The following KCNIP4 variants were observed in gnomAD, a reference collection of about 807,000 sequenced individuals.
KCNIP4 encodes potassium voltage-gated channel interacting protein 4.
A neutral mutation model predicts 34.0 loss-of-function variants in KCNIP4; 12 were observed. That is an observed-to-expected ratio of 0.35 (90% CI 0.23 to 0.57). The LOEUF is 0.57. Among genes scored for constraint, KCNIP4 ranks in the 20% least tolerant of loss-of-function variants. The pLI is 0.83. For missense variants in KCNIP4, 238 were observed against 311.7 expected, an observed-to-expected ratio of 0.76 and a Z score of 1.78; for synonymous variants, 124 against 102.2, an observed-to-expected ratio of 1.21 and a Z score of -1.29.
chr4:21,871,984 C>T (rs376920051), intron 1 of KCNIP4, among the ~76,000 whole-genome samples: 140 of 152,018 alleles, frequency 9.2e-4, no homozygotes, highest in African/African-American at 3.3e-3. Context: ...GTCTGCCTTA[C>T]CGTTTTAACA....
rs538133858 is a variant in KCNIP4, at chr4:21,268,862, C to G, written c.62-386153G>C. Reference sequence around the variant, plus strand: ...GGCAAAACTATGGCTAAAGCCAAGACGTAAAGAATGAGGATGTTTGACCTA... The same window carrying G: ...GGCAAAACTATGGCTAAAGCCAAGAGGTAAAGAATGAGGATGTTTGACCTA... On this transcript the variant is annotated intron_variant, in intron 1 of 8. Coordinates refer to ENST00000382152, the MANE Select transcript of KCNIP4 (RefSeq NM_025221.6). 9.2e-5 allele frequency among the ~76,000 whole-genome samples: 14 copies of G among 152,290 alleles called. 1 individual carries two copies. Among genetic ancestry groups the G allele is most frequent in the African/African-American group, 3.4e-4 (14 of 41,560 alleles).
At chr4:21,724,221 C>T (rs899585875) in intron 1 of KCNIP4, among the ~76,000 whole-genome samples, 1 of 151,546 alleles carries the variant, frequency 6.6e-6, no homozygotes, top group East Asian at 1.9e-4. Context: ...CCCTGAGAGC[C>T]AATGAGGTAC....
intron 1 of KCNIP4, among the ~76,000 whole-genome samples, chr4:21,626,966 A>G (rs1745381962): frequency 6.6e-6 from 1 of 152,076 alleles, no homozygotes. Context: ...CTAAGAATGG[A>G]TTTAGATATA....
chr4:21,173,542 G>T (rs2109303074), intron 1 of KCNIP4, among the ~76,000 whole-genome samples: 1 of 152,288 alleles, frequency 6.6e-6, no homozygotes, highest in South Asian at 2.1e-4. Flanking sequence ...CAGCTCCCTA[G>T]AATCCTCATC....
chr4:21,194,991 C>T (rs1435428130), intron 1 of KCNIP4, among the ~76,000 whole-genome samples: 1 of 152,176 alleles, frequency 6.6e-6, no homozygotes, highest in Non-Finnish European at 1.5e-5. Flanking sequence ...CCTGTGAATC[C>T]TGACCCATGG....
At chr4:21,452,715 G>A (rs540286478) in intron 1 of KCNIP4, among the ~76,000 whole-genome samples, 7 of 150,852 alleles carry the variant, frequency 4.6e-5, no homozygotes, top group Admixed American at 2.0e-4. Context: ...GCATGTTAAA[G>A]TGTTTCTTCA....
chr4:21,064,296 C>T (rs1744164832), intron 1 of KCNIP4, among the ~76,000 whole-genome samples: 1 of 151,798 alleles, frequency 6.6e-6, no homozygotes, highest in African/African-American at 2.4e-5. Flanking sequence ...ATATATTATA[C>T]AGACAAGTGG....
intron 1 of KCNIP4, among the ~76,000 whole-genome samples, chr4:21,415,012 A>G (rs193162087): frequency 8.7e-4 from 132 of 152,186 alleles, no homozygotes; most frequent in African/African-American, 2.8e-3. Context: ...ATCGCTGACT[A>G]TAGTCACCCT....
At chr4:21,771,093 T>C (rs1441490489) in intron 1 of KCNIP4, among the ~76,000 whole-genome samples, 1 of 152,230 alleles carries the variant, frequency 6.6e-6, no homozygotes, top group East Asian at 1.9e-4. Flanking sequence ...TTTAAGTCTT[T>C]AATCCATCTT....
intron 1 of KCNIP4, among the ~76,000 whole-genome samples, chr4:21,907,320 A>C (rs1186338899): frequency 1.3e-5 from 2 of 152,150 alleles, no homozygotes; most frequent in Non-Finnish European, 2.9e-5. Flanking sequence ...TCTCTTTCAC[A>C]CACACTAGCT....
rs201063132 is a variant in KCNIP4, at chr4:20,767,826, GA to G, written c.289-8937del. On this transcript the variant is annotated intron_variant, in intron 3 of 8. Coordinates refer to ENST00000382152, the MANE Select transcript of KCNIP4 (RefSeq NM_025221.6). ...AGAATTACAGTAAGACATTTCATAG[GA>G]AAAAAAAACTAAAAGTGCTTGTGAA... is the stretch of plus-strand genomic sequence containing the variant. Among the ~76,000 whole-genome samples the G allele has an allele frequency of 2.1e-3, 320 of 151,150 alleles. 7 individuals are homozygous for G. In the South Asian group the frequency reaches 0.04, roughly 19 times the overall value.
chr4:21,373,532 G>C (rs1720690447), intron 1 of KCNIP4, among the ~76,000 whole-genome samples: 1 of 146,308 alleles, frequency 6.8e-6, no homozygotes, highest in Admixed American at 6.6e-5. Flanking sequence ...GTTTCCTTTG[G>C]GAACCGATTC....
intron 1 of KCNIP4, among the ~76,000 whole-genome samples, chr4:20,930,737 C>A (rs1730371132): frequency 2.6e-5 from 4 of 151,486 alleles, no homozygotes; most frequent in African/African-American, 7.3e-5. Flanking sequence ...GAAATAATGG[C>A]TAACAGGATA....
chr4:21,148,037 G>A (rs935770782), intron 1 of KCNIP4, among the ~76,000 whole-genome samples: 2 of 150,922 alleles, frequency 1.3e-5, no homozygotes, highest in East Asian at 1.9e-4. Context: ...TGAATTCTGG[G>A]CATTTTCCCC....
chr4:21,374,250 A>G (rs560714343), intron 1 of KCNIP4, among the ~76,000 whole-genome samples: 10 of 147,324 alleles, frequency 6.8e-5, no homozygotes, highest in Non-Finnish European at 1.5e-4. Flanking sequence ...ACAAGGAAAA[A>G]GAGGTGTAAA....
intron 1 of KCNIP4, among the ~76,000 whole-genome samples, chr4:21,113,196 C>CAAA (rs1749375367): frequency 6.6e-6 from 1 of 152,090 alleles, no homozygotes; most frequent in African/African-American, 2.4e-5. Flanking sequence ...TTGCAGAAGG[C>CAAA]AATGGAACAA....
chr4:21,108,426 C>T (rs1416068340), intron 1 of KCNIP4, among the ~76,000 whole-genome samples: 2 of 151,660 alleles, frequency 1.3e-5, no homozygotes, highest in Non-Finnish European at 2.9e-5. Flanking sequence ...ACGTAGTTCT[C>T]GAGCCTTGGC....
chr4:21,795,516 T>C (rs968529881), intron 1 of KCNIP4, among the ~76,000 whole-genome samples: 1 of 152,030 alleles, frequency 6.6e-6, no homozygotes, highest in Admixed American at 6.6e-5. Context: ...CACGGAAAAA[T>C]TTTAAAACAA....
intron 1 of KCNIP4, among the ~76,000 whole-genome samples, chr4:21,750,790 G>A (rs1717101669): frequency 6.6e-6 from 1 of 152,056 alleles, no homozygotes; most frequent in Non-Finnish European, 1.5e-5. Flanking sequence ...GCTGGAGAAT[G>A]GGAAGGTGGA....
Sources: allele counts gnomAD v4.1 joint callset (sites outside exome capture counted in the v4.1 genomes callset), GRCh38; gene constraint gnomAD v4.1.1; transcripts MANE v1.5; gene names NCBI Gene and HGNC (gene_info 2026-07-23, HGNC 2026-07-21).